Variants in CNOT2 observed in about 807,000 individuals in gnomAD.
CNOT2 encodes CCR4-NOT transcription complex subunit 2.
In CNOT2, 7 loss-of-function variants were observed where a neutral mutation model predicts 72.1. That is an observed-to-expected ratio of 0.10 (90% CI 0.06 to 0.18). CNOT2 has a LOEUF of 0.18. CNOT2 is among the 10% of genes least tolerant of loss of function. The pLI, the probability that CNOT2 is intolerant of heterozygous loss-of-function variation, is 1.00. For synonymous variants in CNOT2, 196 were observed against 225.6 expected (o/e 0.87, Z 1.17); for missense variants, 345 against 660.3 (o/e 0.52, Z 5.23).
At chr12:70,297,209 A>G (rs1872958717) in intron 2 of CNOT2, among the ~76,000 whole-genome samples, 1 of 152,206 alleles carries the variant, frequency 6.6e-6, no homozygotes, top group South Asian at 2.1e-4. Flanking sequence ...CAGAGAGAAA[A>G]TAAGAACTCA....
chr12:70,280,068 G>A (rs1184757199), intron 2 of CNOT2, among the ~76,000 whole-genome samples: 6 of 152,082 alleles, frequency 3.9e-5, no homozygotes, highest in African/African-American at 1.2e-4. Context: ...ATATAAGAAT[G>A]TATGGGAAAT....
intron 1 of CNOT2, among the ~76,000 whole-genome samples, chr12:70,254,317 C>T (rs538263405): frequency 2.6e-5 from 4 of 151,688 alleles, no homozygotes; most frequent in Non-Finnish European, 4.4e-5. Flanking sequence ...ACCTCTTGTA[C>T]TGTACTTCTT....
At chr12:70,308,584 T>TCTCTCTCTCTCA (rs550679130) in intron 2 of CNOT2, among the ~76,000 whole-genome samples, 411 of 133,310 alleles carry the variant, frequency 3.1e-3, no homozygotes, top group African/African-American at 9.4e-3. Flanking sequence ...TCTCTCTCTC[T>TCTCTCTCTCTCA]CACACACACA....
In CNOT2 at chr12:70,353,996, A is replaced by T; in HGVS notation, c.*81A>T. The T allele has an allele frequency of 2.0e-6, 3 of 1,521,102 alleles. No homozygotes were observed. The highest frequency in any genetic ancestry group is 2.6e-6 in the Non-Finnish European group (3 of 1,139,444). 94.2% of individuals were successfully genotyped at this position (1,521,102 alleles called of 1,614,324 possible). ...GCACAATACTCAACATAACTGCAGA[A>T]CTGATGTGGCTCAGGCACCCTGGTT... On this transcript the variant is annotated 3_prime_UTR_variant, in exon 16 of 16. Coordinates refer to ENST00000229195, the MANE Select transcript of CNOT2 (RefSeq NM_014515.7).
intron 2 of CNOT2, among the ~76,000 whole-genome samples, chr12:70,309,435 G>C (rs1271739786): frequency 1.3e-5 from 2 of 152,044 alleles, no homozygotes; most frequent in African/African-American, 4.8e-5. Flanking sequence ...ATTTAACAGG[G>C]AACTTAAAAT....
intron 2 of CNOT2, chr12:70,290,799 T>G (rs976715158): frequency 6.6e-6 from 1 of 152,196 alleles, no homozygotes; most frequent in Non-Finnish European, 1.5e-5. Context: ...ATGCTGGGAT[T>G]ACAGGTGTGA....
chr12:70,332,946 T>G, intron 7 of CNOT2, 100 bp downstream of exon 7: 1 of 1,370,060 alleles, frequency 7.3e-7, no homozygotes, highest in Non-Finnish European at 9.4e-7. Flanking sequence ...TAGGATTTTT[T>G]ATTATGTTAG....
At chr12:70,265,004 G>A (rs569406992) in intron 1 of CNOT2, among the ~76,000 whole-genome samples, 192 of 151,836 alleles carry the variant, frequency 1.3e-3, no homozygotes, top group Non-Finnish European at 2.0e-3. Context: ...TTACTTGTTC[G>A]TAGATCTTTG....
chr12:70,247,448 G>A (rs530971708), intron 1 of CNOT2, among the ~76,000 whole-genome samples: 3 of 152,204 alleles, frequency 2.0e-5, no homozygotes, highest in East Asian at 3.9e-4. Context: ...GAGCCACCAC[G>A]CCCGTCCTAT....
chr12:70,271,292 G>C (rs1959211793), intron 1 of CNOT2, among the ~76,000 whole-genome samples: 1 of 151,548 alleles, frequency 6.6e-6, no homozygotes, highest in Admixed American at 6.6e-5. Context: ...TCACTAGCCA[G>C]GATTGGTTTA....
rs749178138 is a variant in CNOT2 at position 70,338,850 on chromosome 12, G to A, written c.1178+28G>A. 8 of 1,589,858 alleles carry A rather than the reference G, an allele frequency of 5.0e-6. No homozygotes were observed. The South Asian group carries it at 8.9e-5, about 18-fold the overall frequency. On this transcript the variant is annotated intron_variant, in intron 11 of 15. Transcript: ENST00000229195. ...AAGTTTTTTCTGTTTTTCCATGTCT[G>A]TATATAATACCTCTTCAGACTTCCA...
chr12:70,261,947 C>T (rs1460495815), intron 1 of CNOT2, among the ~76,000 whole-genome samples: 3 of 151,408 alleles, frequency 2.0e-5, no homozygotes, highest in Non-Finnish European at 4.4e-5. Context: ...TAGTCTGTGA[C>T]TTTGTAAGAA....
At chr12:70,342,213 C>A (rs1215065480) in intron 12 of CNOT2, 45 bp downstream of exon 12, 1 of 1,612,422 alleles carries the variant, frequency 6.2e-7, no homozygotes, top group Admixed American at 1.7e-5. Context: ...AAGAAATTTA[C>A]AATTGAGAAT....
intron 2 of CNOT2, among the ~76,000 whole-genome samples, chr12:70,302,511 T>C (rs1209075356): frequency 1.3e-5 from 2 of 152,090 alleles, no homozygotes; most frequent in East Asian, 3.9e-4. Flanking sequence ...TCAGTTTCCA[T>C]GTAGTTGAGA....
chr12:70,292,261 T>A (rs1381921428), intron 2 of CNOT2, among the ~76,000 whole-genome samples: 2 of 152,178 alleles, frequency 1.3e-5, no homozygotes, highest in African/African-American at 4.8e-5. Flanking sequence ...TTCAGTCTAA[T>A]GAGAAAACAT....
intron 2 of CNOT2, among the ~76,000 whole-genome samples, chr12:70,306,076 T>C (rs886064487): frequency 2.6e-5 from 4 of 152,140 alleles, no homozygotes; most frequent in Non-Finnish European, 5.9e-5. Flanking sequence ...TAATTCTTTA[T>C]TACTTTCTGA....
chr12:70,296,431 G>A (rs1872805629), intron 2 of CNOT2, among the ~76,000 whole-genome samples: 1 of 151,884 alleles, frequency 6.6e-6, no homozygotes, highest in Admixed American at 6.6e-5. Context: ...CTTATTTATG[G>A]TTATTCTGCA....
In CNOT2 at chr12:70,335,455, A is replaced by G. The variant is rs776005787; in HGVS notation, c.667A>G (p.Thr223Ala). The G allele has an allele frequency of 6.2e-7, 1 of 1,603,588 alleles. No individual in the cohort carries two copies. Among genetic ancestry groups the G allele is most frequent in the Non-Finnish European group, 8.5e-7 (1 of 1,170,888 alleles). ...FNGTDGSENV[T>A]GLDLSDFPAL... ...TTATTTAGACGGAAGTGAAAATGTG[A>G]CAGGATTGGACCTTTCAGATTTCCC... Residue 223 changes from threonine (T) to alanine (A), a missense_variant, in exon 8 of 16, where the codon ACA (threonine) becomes GCA (alanine). By Grantham distance (58) the Thr-to-Ala change is moderately conservative. Transcript: ENST00000229195.
intron 2 of CNOT2, among the ~76,000 whole-genome samples, chr12:70,309,971 G>A (rs976688586): frequency 2.6e-5 from 4 of 151,992 alleles, no homozygotes; most frequent in African/African-American, 9.7e-5. Context: ...ATAATGGATG[G>A]TTGTGTCTGT....
Sources: gnomAD v4.1 joint callset for allele counts (sites outside exome capture counted in the v4.1 genomes callset) on GRCh38, gnomAD v4.1.1 for gene constraint, MANE v1.5 for transcripts, NCBI Gene and HGNC (gene_info 2026-07-23, HGNC 2026-07-21) for gene names.